STARD13: variants seen among roughly 807,000 people sequenced by gnomAD.
STARD13 encodes the protein StAR related lipid transfer domain containing 13, also known as stAR-related lipid transfer protein 13.
Under a neutral mutation model 106.4 loss-of-function variants are expected in STARD13, and 62 were observed. The ratio of observed to expected loss-of-function variants is 0.58; its 90% CI spans 0.48 to 0.72. The LOEUF is 0.72. Ranked by LOEUF, STARD13 falls within the 30% of genes least tolerant of loss-of-function variation. The pLI is 0.00. For synonymous variants in STARD13, 565 were observed against 553.0 expected, an observed-to-expected ratio of 1.02 and a Z score of -0.31; for missense variants, 1,387 against 1,424.0, an observed-to-expected ratio of 0.97 and a Z score of 0.42.
the STARD13 span, among the ~76,000 whole-genome samples, chr13:33,463,463 C>T: frequency 7.7e-4 from 117 of 152,290 alleles, no homozygotes; most frequent in African/African-American, 2.6e-3. Context: ...TGACATTGCG[C>T]ACTGGTGGAT....
chr13:33,571,615 A>G, the STARD13 span, among the ~76,000 whole-genome samples: 420 of 152,258 alleles, frequency 2.8e-3, 1 homozygote, highest in African/African-American at 9.9e-3. Context: ...TCTATATCCT[A>G]TATTCAAGTT....
At chr13:33,557,753 T>C in the STARD13 span, among the ~76,000 whole-genome samples, 32 of 152,298 alleles carry the variant, frequency 2.1e-4, no homozygotes, top group South Asian at 6.2e-3. Context: ...CCACCACTCA[T>C]TTAGTAAGCC....
At chr13:33,465,800 T>C in the STARD13 span, among the ~76,000 whole-genome samples, 3 of 152,138 alleles carry the variant, frequency 2.0e-5, no homozygotes, top group East Asian at 3.9e-4. Context: ...AATATACCAG[T>C]CCATGTAAGG....
At chr13:33,359,465 C>G in the STARD13 span, 121 of 176,856 alleles carry the variant, frequency 6.8e-4, no homozygotes, top group Non-Finnish European at 1.3e-3. Flanking sequence ...TAACACTCAC[C>G]GCGAGGGTCC....
Position 33,222,667 on chromosome 13 carries a change from G to A in STARD13, c.170-55045C>T, listed in dbSNP as rs929232481. 3.3e-5 allele frequency among the ~76,000 whole-genome samples: 5 copies of A among 152,102 alleles called. 1 individual carries two copies. Among genetic ancestry groups the A allele is most frequent in the African/African-American group, 1.2e-4 (5 of 41,400 alleles). On this transcript the variant is annotated intron_variant, in intron 1 of 13. Transcript: ENST00000336934. ...CACACATCATGTCTACTTCTCCTGG[G>A]TTTCCATTTTTCTTTTTCTTCACAG...
chr13:33,211,827 A>G (rs111859556), intron 1 of STARD13, among the ~76,000 whole-genome samples: 50,232 of 146,426 alleles, frequency 0.34, 8,625 homozygotes, highest in Middle Eastern at 0.45. Flanking sequence ...GTGTGTGTGT[A>G]TGTGTGTGTG....
the STARD13 span, among the ~76,000 whole-genome samples, chr13:33,474,935 G>T: frequency 6.6e-6 from 1 of 152,152 alleles, no homozygotes; most frequent in African/African-American, 2.4e-5. Context: ...TTACAAGGAA[G>T]TAACTTGAAA....
intron 4 of STARD13, among the ~76,000 whole-genome samples, chr13:33,139,581 A>G (rs1364166978): frequency 6.6e-6 from 1 of 152,066 alleles, no homozygotes; most frequent in South Asian, 2.1e-4. Flanking sequence ...TTCTATTTCT[A>G]TTTCTTGGAT....
chr13:33,200,795 G>T (rs904091630), intron 1 of STARD13, among the ~76,000 whole-genome samples: 1 of 152,164 alleles, frequency 6.6e-6, no homozygotes. Flanking sequence ...GCCAAGGTGG[G>T]CAGATCACGA....
chr13:33,464,837 CA>C, the STARD13 span, among the ~76,000 whole-genome samples: 7 of 148,550 alleles, frequency 4.7e-5, no homozygotes, highest in African/African-American at 7.4e-5. Context: ...CTCTTGTCTC[CA>C]AAAAAAAAAT....
intron 1 of STARD13, among the ~76,000 whole-genome samples, chr13:33,238,954 T>C (rs575962637): frequency 2.0e-5 from 3 of 152,240 alleles, no homozygotes; most frequent in South Asian, 4.1e-4. Context: ...TATGTACATG[T>C]TGTGTAATGG....
At chr13:33,139,547 G>A (rs972538301) in intron 4 of STARD13, among the ~76,000 whole-genome samples, 2 of 152,172 alleles carry the variant, frequency 1.3e-5, no homozygotes, top group Non-Finnish European at 2.9e-5. Context: ...ATAAGTCTGG[G>A]ATTCTGCAGA....
the STARD13 span, among the ~76,000 whole-genome samples, chr13:33,410,138 C>T: frequency 1.3e-5 from 2 of 152,202 alleles, no homozygotes; most frequent in Non-Finnish European, 2.9e-5. Flanking sequence ...TTAATGCAAG[C>T]TTAATAAAAA....
At position 33,136,771 on chromosome 13, in the gene STARD13, C is replaced by T. The variant is rs1047468260; in HGVS notation, c.387+5539G>A. 5.3e-5 allele frequency among the ~76,000 whole-genome samples: 8 copies of T among 152,198 alleles called. No homozygotes were observed. The South Asian group carries it at 1.7e-3, about 32-fold the overall frequency. ...TCGCTCAATAAAAATTCTTCTCCAC[C>T]CTCCTCACCCTTTAATTGTCAGTGT... On this transcript the variant is annotated intron_variant, in intron 4 of 13. Coordinates refer to ENST00000336934, the MANE Select transcript of STARD13 (RefSeq NM_178006.4).
intron 2 of STARD13, 59 bp downstream of exon 2, chr13:33,167,492 A>G: frequency 6.6e-7 from 1 of 1,510,124 alleles, no homozygotes; most frequent in Non-Finnish European, 9.2e-7. Context: ...ACCACAGGAT[A>G]CGTGTGGTTC....
intron 7 of STARD13, among the ~76,000 whole-genome samples, chr13:33,123,981 T>A (rs1378479196): frequency 1.3e-5 from 2 of 152,214 alleles, no homozygotes; most frequent in Non-Finnish European, 2.9e-5. Context: ...TCTCAAGGCC[T>A]TGGGCAGACT....
chr13:33,560,545 A>G, the STARD13 span, among the ~76,000 whole-genome samples: 2 of 151,398 alleles, frequency 1.3e-5, no homozygotes, highest in African/African-American at 4.9e-5. Flanking sequence ...CCCGTGGGTC[A>G]CAATAAAGGA....
the STARD13 span, among the ~76,000 whole-genome samples, chr13:33,488,709 C>A: frequency 2.6e-5 from 4 of 152,194 alleles, no homozygotes; most frequent in African/African-American, 9.6e-5. Flanking sequence ...TTGCCCTAAG[C>A]TGGAATATCC....
intron 1 of STARD13, among the ~76,000 whole-genome samples, chr13:33,240,091 T>C (rs1889393316): frequency 6.6e-6 from 1 of 152,216 alleles, no homozygotes; most frequent in Non-Finnish European, 1.5e-5. Flanking sequence ...AGGATCCAAC[T>C]TCATTCACTG....
Sources: allele counts gnomAD v4.1 joint callset (sites outside exome capture counted in the v4.1 genomes callset), GRCh38; gene constraint gnomAD v4.1.1; transcripts MANE v1.5; gene names NCBI Gene and HGNC (gene_info 2026-07-23, HGNC 2026-07-21).